The following ZNF236 variants were observed in gnomAD, a reference collection of about 807,000 sequenced individuals.
ZNF236 encodes the protein zinc finger protein 236.
ZNF236 carries 50 observed loss-of-function variants against 191.2 expected under a neutral mutation model. That is an observed-to-expected ratio of 0.26 (90% CI 0.21 to 0.33). The LOEUF (loss-of-function observed/expected upper bound fraction) is 0.33. Ranked by LOEUF, ZNF236 falls within the 10% of genes least tolerant of loss-of-function variation. The probability of loss-of-function intolerance (pLI) is 1.00; values close to 1 mark genes in which losing one functional copy is unlikely to be tolerated. For synonymous variants in ZNF236, 907 were observed against 928.8 expected, an observed-to-expected ratio of 0.98 and a Z score of 0.43; for missense variants, 1,754 against 2,374.5, an observed-to-expected ratio of 0.74 and a Z score of 5.43.
In ZNF236 at chr18:76,877,180, G is replaced by A. The variant is rs771155286; in HGVS notation, c.841-829G>A. On this transcript the variant is annotated intron_variant, in intron 6 of 30. Coordinates refer to ENST00000320610, the MANE Select transcript of ZNF236 (RefSeq NM_001306089.2). ...ACAGCTGTTCTTACTCATTTTACTG[G>A]TTTCCATGGTTTCTGGATTTATCAT... Among the ~76,000 whole-genome samples the A allele has an allele frequency of 4.3e-4, 65 of 152,018 alleles. 1 individual carries two copies. The highest frequency in any genetic ancestry group is 1.5e-4 in the Non-Finnish European group (10 of 67,982).
chr18:76,946,177 C>CT (rs1968256565), intron 26 of ZNF236, among the ~76,000 whole-genome samples: 1 of 152,184 alleles, frequency 6.6e-6, no homozygotes, highest in Non-Finnish European at 1.5e-5. Flanking sequence ...GGGGGCAAGT[C>CT]TTTCCCTTGC....
chr18:76,882,013 A>G (rs1051809196), intron 9 of ZNF236, among the ~76,000 whole-genome samples: 2 of 151,648 alleles, frequency 1.3e-5, no homozygotes, highest in African/African-American at 2.4e-5. Flanking sequence ...ACCAAGATCC[A>G]TTTCTTGGCT....
At chr18:76,847,535 A>G (rs907773425) in intron 1 of ZNF236, among the ~76,000 whole-genome samples, 7 of 151,948 alleles carry the variant, frequency 4.6e-5, no homozygotes, top group Admixed American at 6.6e-5. Context: ...GCGCGATCTC[A>G]GCTCACTGCA....
intron 3 of ZNF236, among the ~76,000 whole-genome samples, chr18:76,868,269 G>T (rs971884732): frequency 5.9e-5 from 9 of 152,274 alleles, no homozygotes; most frequent in African/African-American, 2.2e-4. Context: ...CTGGCATTTT[G>T]TTTCAAGGTC....
At chr18:76,926,750 G>A (rs1354617454) in intron 22 of ZNF236, among the ~76,000 whole-genome samples, 1 of 151,952 alleles carries the variant, frequency 6.6e-6, no homozygotes, top group Admixed American at 6.6e-5. Context: ...TGGTATAAAG[G>A]GTGATTAGAC....
chr18:76,848,450 T>C (rs1270505541), intron 1 of ZNF236, among the ~76,000 whole-genome samples: 2 of 152,214 alleles, frequency 1.3e-5, no homozygotes, highest in African/African-American at 4.8e-5. Context: ...ATTGTAGAGA[T>C]TTAGGGCATC....
At chr18:76,865,797 G>A (rs1230421505) in intron 3 of ZNF236, among the ~76,000 whole-genome samples, 1 of 152,212 alleles carries the variant, frequency 6.6e-6, no homozygotes, top group Non-Finnish European at 1.5e-5. Flanking sequence ...GGGTGCATTT[G>A]TTATATGTAA....
intron 25 of ZNF236, among the ~76,000 whole-genome samples, chr18:76,932,299 A>C (rs986466716): frequency 6.6e-6 from 1 of 152,194 alleles, no homozygotes; most frequent in African/African-American, 2.4e-5. Context: ...TCAGCTTTGC[A>C]TGGCCCATGG....
In ZNF236 at chr18:76,968,383, T is replaced by G; in HGVS notation, c.*44T>G. ...CTTTAAGAATGTTTCTGAAGTTACG[T>G]TTTGTGAAGAGCAAAGCACTTGGAA... On this transcript the variant is annotated 3_prime_UTR_variant, in exon 31 of 31. Transcript: ENST00000320610. 2 of 1,578,704 alleles carry G rather than the reference T, an allele frequency of 1.3e-6. No homozygotes were observed. The highest frequency in any genetic ancestry group is 1.4e-5 in the African/African-American group (1 of 72,894).
At chr18:76,913,970 C>A (rs2122778346) in intron 18 of ZNF236, 72 bp downstream of exon 18, 1 of 1,507,434 alleles carries the variant, frequency 6.6e-7, no homozygotes, top group African/African-American at 1.4e-5. Flanking sequence ...AATCCATATA[C>A]CATTCAGTTC....
chr18:76,910,709 C>T lies in ZNF236; in HGVS notation c.2703C>T (p.Val901=). ...TYHQQPQFPP[V]QQLQDSSTLE... ...ATCAGCAGCCTCAGTTTCCACCTGT[C>T]CAACAGCTACAGGATTCCAGCACAC... Residue 901 remains valine (V), a synonymous_variant, in exon 16 of 31, where the codon GTC becomes GTT. Coordinates refer to ENST00000320610, the MANE Select transcript of ZNF236 (RefSeq NM_001306089.2). 1.2e-6 allele frequency: 2 copies of T among 1,614,156 alleles called. No homozygotes were observed. Among genetic ancestry groups the T allele is most frequent in the Non-Finnish European group, 1.7e-6 (2 of 1,180,010 alleles).
In ZNF236 at chr18:76,860,908, G is replaced by A. The variant is rs529430173; in HGVS notation, c.364-7777G>A. On this transcript the variant is annotated intron_variant, in intron 3 of 30. Coordinates refer to ENST00000320610, the MANE Select transcript of ZNF236 (RefSeq NM_001306089.2). ...ATAACTGCTAACAGGAGAAGAAAGC[G>A]GGGAAGAGTCATGGAAGAGGCTTTG... is the stretch of plus-strand genomic sequence containing the variant. Among the ~76,000 whole-genome samples the A allele has an allele frequency of 2.6e-5, 4 of 152,272 alleles. No individual in the cohort carries two copies. The East Asian group carries it at 5.8e-4, about 22-fold the overall frequency.
At chr18:76,872,712 A>G (rs1007931722) in intron 5 of ZNF236, among the ~76,000 whole-genome samples, 4 of 152,226 alleles carry the variant, frequency 2.6e-5, no homozygotes, top group African/African-American at 9.6e-5. Context: ...AGTAACACGC[A>G]TGATCTCTAG....
chr18:76,948,831 C>A (rs1292629597), intron 27 of ZNF236, among the ~76,000 whole-genome samples: 2 of 152,208 alleles, frequency 1.3e-5, no homozygotes, highest in African/African-American at 4.8e-5. Context: ...CCAGGTCAAA[C>A]GGATGCAGTG....
Position 76,880,096 on chromosome 18 carries a change from A to G in ZNF236, c.985-17A>G. 2 of 1,578,224 alleles carry G rather than the reference A, an allele frequency of 1.3e-6. No homozygotes were observed. Among genetic ancestry groups the G allele is most frequent in the Non-Finnish European group, 1.7e-6 (2 of 1,164,472 alleles). On this transcript the variant is annotated splice_polypyrimidine_tract_variant and intron_variant, in intron 7 of 30. Coordinates refer to ENST00000320610, the MANE Select transcript of ZNF236 (RefSeq NM_001306089.2). The surrounding 1 kb of genome is among the most constrained non-coding windows in gnomAD (Gnocchi z 5.0). ...GAGCAAAATTGTATTTTTAATGAAA[A>G]TGTTTCTGTGTTTCAGGCCACACTT...
rs1282129534 is a variant in ZNF236, at chr18:76,880,542, A to AT, written c.1188+234dup. On this transcript the variant is annotated intron_variant, in intron 8 of 30. Transcript: ENST00000320610. This position sits in a 1 kb window ranked among gnomAD's most constrained non-coding sequence, Gnocchi z 5.0. ...ATTAAAAAAAAAATCACAAACTTTT[A>AT]TTTTTTTTCCATAAGTGAACTTTAC... Among the ~76,000 whole-genome samples, 1 of 151,818 alleles carries AT rather than the reference A, an allele frequency of 6.6e-6. No individual in the cohort carries two copies. Among genetic ancestry groups the AT allele is most frequent in the Non-Finnish European group, 1.5e-5 (1 of 67,898 alleles).
chr18:76,917,306 C>T lies in ZNF236; in HGVS notation c.3274+1447C>T, dbSNP rs377216536. 3.2e-3 allele frequency among the ~76,000 whole-genome samples: 488 copies of T among 152,280 alleles called. 2 individuals carry two copies. Among genetic ancestry groups the T allele is most frequent in the African/African-American group, 0.011 (458 of 41,550 alleles). ...CATCCAGGCATTATTTCTAGAACCC[C>T]GTCATTTGGAGAGTGTTAATTTATC... is the stretch of plus-strand genomic sequence containing the variant. On this transcript the variant is annotated intron_variant, in intron 19 of 30. Transcript: ENST00000320610.
In ZNF236 at chr18:76,878,005, T is replaced by G. The variant is rs373399080; in HGVS notation, c.841-4T>G. Reference sequence around the variant, plus strand: ...CATCATTTTTTTCCTTTTTATTCTTTAAGGTCAAGAATGGTCCTACCTATA... The same window carrying G: ...CATCATTTTTTTCCTTTTTATTCTTGAAGGTCAAGAATGGTCCTACCTATA... On this transcript the variant is annotated splice_polypyrimidine_tract_variant and splice_region_variant and intron_variant, in intron 6 of 30. Coordinates refer to ENST00000320610, the MANE Select transcript of ZNF236 (RefSeq NM_001306089.2). The G allele has an allele frequency of 2.6e-6, 4 of 1,553,814 alleles. 1 individual carries two copies. The highest frequency in any genetic ancestry group is 2.6e-6 in the Non-Finnish European group (3 of 1,147,856).
chr18:76,931,630 A>T (rs1024506794), intron 25 of ZNF236, among the ~76,000 whole-genome samples: 3 of 152,228 alleles, frequency 2.0e-5, no homozygotes, highest in African/African-American at 7.2e-5. Flanking sequence ...CTGAAAATAG[A>T]ATAGAAAAAT....
Sources: allele counts gnomAD v4.1 joint callset (sites outside exome capture counted in the v4.1 genomes callset), GRCh38; gene constraint gnomAD v4.1.1; non-coding constraint Gnocchi (gnomAD v3.1); transcripts MANE v1.5; gene names NCBI Gene and HGNC (gene_info 2026-07-23, HGNC 2026-07-21).